The following TAFA5 variants were observed in gnomAD, a reference collection of about 807,000 sequenced individuals.
The protein encoded by TAFA5 is TAFA chemokine like family member 5, also known as chemokine-like protein TAFA-5.
Under a neutral mutation model 15.3 loss-of-function variants are expected in TAFA5, and 6 were observed. The observed-to-expected ratio is 0.39, with a 90% CI of 0.21 to 0.77. The LOEUF (loss-of-function observed/expected upper bound fraction) is 0.77. Ranked by LOEUF, TAFA5 falls within the 30% of genes least tolerant of loss-of-function variation. TAFA5 has a pLI of 0.41. For synonymous variants in TAFA5, 103 were observed against 80.7 expected, an observed-to-expected ratio of 1.28 and a Z score of -1.48; for missense variants, 161 against 193.1, an observed-to-expected ratio of 0.83 and a Z score of 0.98.
chr22:48,625,367 T>C (rs1483827536), intron 1 of TAFA5, among the ~76,000 whole-genome samples: 1 of 152,186 alleles, frequency 6.6e-6, no homozygotes, highest in African/African-American at 2.4e-5. Flanking sequence ...CGTGGATTAT[T>C]CTAGCCCCCT....
rs2147274641 is a variant in TAFA5, at chr22:48,742,401, A to C, written c.391-7438A>C. The stretch of plus-strand genomic sequence containing the variant: ...ACAGTTTTAGTCAGAGCCCACATTA[A>C]CACAGCAAGAGCCCAGCCAGAGCAG... On this transcript the variant is annotated intron_variant, in intron 3 of 3. Transcript: ENST00000402357. The surrounding 1 kb of genome is among the most constrained non-coding windows in gnomAD (Gnocchi z 6.2). Among the ~76,000 whole-genome samples the C allele has an allele frequency of 6.6e-6, 1 of 152,354 alleles. No individual in the cohort carries two copies. Among genetic ancestry groups the C allele is most frequent in the Non-Finnish European group, 1.5e-5 (1 of 68,032 alleles).
chr22:48,691,822 G>A (rs1393170982), intron 2 of TAFA5, among the ~76,000 whole-genome samples: 3 of 152,246 alleles, frequency 2.0e-5, no homozygotes, highest in Non-Finnish European at 4.4e-5. Flanking sequence ...GGTGCTGCCT[G>A]TGGAGACTCG....
intron 2 of TAFA5, among the ~76,000 whole-genome samples, chr22:48,680,731 C>T (rs934421302): frequency 4.6e-5 from 7 of 152,220 alleles, no homozygotes; most frequent in Non-Finnish European, 8.8e-5. Flanking sequence ...AGGTCCTGGT[C>T]CAGTGAAAGA....
At chr22:48,544,421 C>T (rs926888593) in intron 1 of TAFA5, 13 of 347,290 alleles carry the variant, frequency 3.7e-5, no homozygotes, top group South Asian at 2.9e-4. Context: ...TTGGGTTTGC[C>T]AGGGACTCCG....
chr22:48,608,840 C>G (rs1216109880), intron 1 of TAFA5, among the ~76,000 whole-genome samples: 3 of 152,238 alleles, frequency 2.0e-5, no homozygotes, highest in African/African-American at 4.8e-5. Context: ...CGCTCGGGAG[C>G]TCTGTGCCCC....
rs79782391 is a variant in TAFA5 at position 48,506,380 on chromosome 22, C to T, written c.112+16676C>T. Among the ~76,000 whole-genome samples, 1,508 of 152,328 alleles carry T rather than the reference C, an allele frequency of 9.9e-3. 23 individuals carry two copies. Among genetic ancestry groups the T allele is most frequent in the East Asian group, 0.051 (266 of 5,182 alleles). ...ACATGGGCACCTCCAGAATCCTTTC[C>T]GAAGGGCCCAGCTTCGGGGAGGAGC... On this transcript the variant is annotated intron_variant, in intron 1 of 3. Coordinates refer to ENST00000402357, the MANE Select transcript of TAFA5 (RefSeq NM_001082967.3).
Position 48,490,027 on chromosome 22 carries a change from C to T in TAFA5, c.112+323C>T, listed in dbSNP as rs1189258443. On this transcript the variant is annotated intron_variant, in intron 1 of 3. Transcript: ENST00000402357. The surrounding 1 kb of genome is among the most constrained non-coding windows in gnomAD (Gnocchi z 5.8). ...GGTCGGAGCCCAGCCAGCGGCTTCC[C>T]GGCCGAGATGCGCGCTCAGGAGGCA... Among the ~76,000 whole-genome samples, 1 of 151,924 alleles carries T rather than the reference C, an allele frequency of 6.6e-6. No homozygotes were observed. Among genetic ancestry groups the T allele is most frequent in the African/African-American group, 2.4e-5 (1 of 41,414 alleles).
At chr22:48,520,065 GC>G (rs1371576917) in intron 1 of TAFA5, among the ~76,000 whole-genome samples, 1 of 152,180 alleles carries the variant, frequency 6.6e-6, no homozygotes, top group Non-Finnish European at 1.5e-5. Flanking sequence ...AGAGGAAGAC[GC>G]CCTGTGGAAA....
intron 1 of TAFA5, among the ~76,000 whole-genome samples, chr22:48,531,374 G>A (rs913731743): frequency 6.6e-6 from 1 of 152,140 alleles, no homozygotes; most frequent in South Asian, 2.1e-4. Flanking sequence ...TTCCTGGAGC[G>A]GACAGTGAGA....
At chr22:48,738,800 C>A (rs1486764764) in intron 3 of TAFA5, among the ~76,000 whole-genome samples, 2 of 152,234 alleles carry the variant, frequency 1.3e-5, no homozygotes, top group Non-Finnish European at 2.9e-5. Flanking sequence ...GTGGCTCTGT[C>A]TTCAGTCCTG....
intron 1 of TAFA5, among the ~76,000 whole-genome samples, chr22:48,613,467 CTGTT>C (rs1229086141): frequency 1.3e-5 from 2 of 152,206 alleles, no homozygotes; most frequent in Admixed American, 1.3e-4. Flanking sequence ...CTCCCCCACT[CTGTT>C]TGTCCTTCTG....
chr22:48,718,525 G>A (rs1252142657), intron 3 of TAFA5, among the ~76,000 whole-genome samples: 1 of 152,130 alleles, frequency 6.6e-6, no homozygotes, highest in East Asian at 1.9e-4. Context: ...ACCTGTGTCT[G>A]CCCTGTCCGA....
intron 2 of TAFA5, among the ~76,000 whole-genome samples, chr22:48,666,919 G>A (rs1398902184): frequency 6.6e-6 from 1 of 152,116 alleles, no homozygotes; most frequent in Non-Finnish European, 1.5e-5. Flanking sequence ...GTGGTTGGAG[G>A]GAGGAGGAGG....
intron 1 of TAFA5, among the ~76,000 whole-genome samples, chr22:48,634,107 C>G (rs570407619): frequency 8.4e-6 from 1 of 118,912 alleles, no homozygotes; most frequent in African/African-American, 3.4e-5. Flanking sequence ...CTTTCCTTGA[C>G]GTTCACTCAC....
intron 1 of TAFA5, among the ~76,000 whole-genome samples, chr22:48,493,670 GT>G (rs1387902732): frequency 2.0e-5 from 3 of 151,712 alleles, no homozygotes; most frequent in African/African-American, 7.3e-5. Flanking sequence ...TGGGATGTTT[GT>G]TTTTTTTCAG....
At chr22:48,715,455 G>A (rs115034563) in intron 3 of TAFA5, among the ~76,000 whole-genome samples, 4,450 of 152,254 alleles carry the variant, frequency 0.029, 192 homozygotes, top group African/African-American at 0.096. Context: ...GGGCAGGGAG[G>A]CGAGGAGGCT....
chr22:48,611,410 C>T (rs533702801), intron 1 of TAFA5, among the ~76,000 whole-genome samples: 1 of 152,328 alleles, frequency 6.6e-6, no homozygotes, highest in East Asian at 1.9e-4. Flanking sequence ...TCGTTACCTG[C>T]GGCATGTCAG....
chr22:48,568,132 C>G (rs1264898155), intron 1 of TAFA5, among the ~76,000 whole-genome samples: 1 of 152,230 alleles, frequency 6.6e-6, no homozygotes, highest in South Asian at 2.1e-4. Flanking sequence ...TGTCTTCGCC[C>G]GTGTGACTGA....
chr22:48,603,629 C>T (rs996731493), intron 1 of TAFA5, among the ~76,000 whole-genome samples: 5 of 152,202 alleles, frequency 3.3e-5, no homozygotes, highest in Admixed American at 6.5e-5. Flanking sequence ...CCTGGCCCTG[C>T]GCTGAGCCGA....
Sources: allele counts gnomAD v4.1 joint callset (sites outside exome capture counted in the v4.1 genomes callset), GRCh38; gene constraint gnomAD v4.1.1; non-coding constraint Gnocchi (gnomAD v3.1); transcripts MANE v1.5; gene names NCBI Gene and HGNC (gene_info 2026-07-23, HGNC 2026-07-21).